TTC22: variants seen among roughly 807,000 people sequenced by gnomAD.
TTC22 encodes the protein tetratricopeptide repeat domain 22.
Under a neutral mutation model 48.2 loss-of-function variants are expected in TTC22, and 42 were observed. The ratio of observed to expected loss-of-function variants is 0.87; its 90% CI spans 0.68 to 1.13. The LOEUF (loss-of-function observed/expected upper bound fraction) is 1.13, where lower values mean the gene tolerates loss of function less well. TTC22 is among the 50% of genes most tolerant of loss of function. The pLI, the probability that TTC22 is intolerant of heterozygous loss-of-function variation, is 0.00. For synonymous variants in TTC22, 345 were observed against 365.5 expected, an observed-to-expected ratio of 0.94 and a Z score of 0.64; for missense variants, 784 against 807.0, an observed-to-expected ratio of 0.97 and a Z score of 0.34.
At chr1:54,794,292 G>C (rs1481710680) in intron 1 of TTC22, among the ~76,000 whole-genome samples, 1 of 152,188 alleles carries the variant, frequency 6.6e-6, no homozygotes, top group African/African-American at 2.4e-5. Flanking sequence ...GAAATGGTAG[G>C]ATTAGGATAA....
rs1486665332 is a variant in TTC22, at chr1:54,800,596, C to A, written c.567+1G>T. On this transcript the variant is annotated splice_donor_variant, in intron 1 of 6. Coordinates refer to ENST00000371276, the MANE Select transcript of TTC22 (RefSeq NM_001114108.2). LOFTEE classifies it high-confidence loss of function. ...GAGGTAGGGAGACAGGGGTCACCTA[C>A]CTGCTGCCCGTAGCCTAGCGCCTTG... is the stretch of plus-strand genomic sequence containing the variant. 6.6e-7 allele frequency: 1 copy of A among 1,511,832 alleles called. No individual in the cohort carries two copies. Among genetic ancestry groups the A allele is most frequent in the East Asian group, 2.5e-5 (1 of 39,698 alleles). The allele number at this position is 1,511,832 out of a possible 1,614,324, so 93.7% of individuals were successfully genotyped here.
Position 54,800,659 on chromosome 1 carries a change from G to T in TTC22, c.505C>A (p.Arg169Ser). 1 of 1,550,274 alleles carries T rather than the reference G, an allele frequency of 6.5e-7. No individual in the cohort carries two copies. The highest frequency in any genetic ancestry group is 8.6e-7 in the Non-Finnish European group (1 of 1,159,324). ...FDVGCASPEE[R>S]ARGLAAGIAL... is the part of the protein sequence containing the mutation. Reference sequence around the variant, plus strand: ...ATGCCTGCCGCCAGCCCCCGCGCACGCTCCTCTGGGCTGGCGCAGCCGACG... The same window carrying T: ...ATGCCTGCCGCCAGCCCCCGCGCACTCTCCTCTGGGCTGGCGCAGCCGACG... Residue 169 changes from arginine to serine, a missense_variant, in exon 1 of 7, where the codon CGT (arginine) becomes AGT (serine). Transcript: ENST00000371276.
At chr1:54,789,891 G>T (rs748098484) in intron 1 of TTC22, among the ~76,000 whole-genome samples, 21 of 152,216 alleles carry the variant, frequency 1.4e-4, no homozygotes, top group Non-Finnish European at 2.5e-4. Flanking sequence ...AGGAGGATGG[G>T]ACATCAAGTG....
intron 3 of TTC22, 83 bp downstream of exon 3, chr1:54,787,628 G>T: frequency 2.1e-6 from 2 of 971,026 alleles, no homozygotes; most frequent in Non-Finnish European, 3.2e-6. Flanking sequence ...AGAAGGGGAG[G>T]TAATGCCAGA....
intron 6 of TTC22, 86 bp from the exon 7 acceptor site, chr1:54,781,865 T>C (rs1646266185): frequency 9.8e-6 from 12 of 1,222,696 alleles, no homozygotes; most frequent in Non-Finnish European, 1.3e-5. Flanking sequence ...AAAAAAAAAT[T>C]CCACTCCTTC....
chr1:54,789,044 A>T (rs1441367794), intron 1 of TTC22, among the ~76,000 whole-genome samples: 1 of 152,214 alleles, frequency 6.6e-6, no homozygotes, highest in Non-Finnish European at 1.5e-5. Context: ...CAAACCTATC[A>T]TGTAGCTGTT....
Position 54,786,117 on chromosome 1 carries a change from G to A in TTC22, c.886C>T (p.Pro296Ser), listed in dbSNP as rs766901296. Reference protein sequence around the residue: ...KAIEIAKNQPPILNRLAKIFY... With the variant: ...KAIEIAKNQPSILNRLAKIFY... ...ATTTTTGCCAGGCGATTCAGGATGGGAGGTTGGTTCTTGGCAATCTCAATG... is the reference window on the plus strand; with the variant it reads ...ATTTTTGCCAGGCGATTCAGGATGGAAGGTTGGTTCTTGGCAATCTCAATG... Residue 296 changes from proline (P) to serine (S), a missense_variant, in exon 5 of 7, where the codon CCC becomes TCC. Coordinates refer to ENST00000371276, the MANE Select transcript of TTC22 (RefSeq NM_001114108.2). 4 of 1,614,150 alleles carry A rather than the reference G, an allele frequency of 2.5e-6. No individual in the cohort carries two copies. The highest frequency in any genetic ancestry group is 1.7e-5 in the Admixed American group (1 of 60,020).
intron 1 of TTC22, 85 bp from the exon 2 acceptor site, chr1:54,788,182 A>G: frequency 7.6e-7 from 1 of 1,320,246 alleles, no homozygotes; most frequent in Non-Finnish European, 1.1e-6. Flanking sequence ...CTGAACCCCA[A>G]GAGGCAGCAG....
At chr1:54,792,326 C>T (rs765548565) in intron 1 of TTC22, among the ~76,000 whole-genome samples, 34 of 152,180 alleles carry the variant, frequency 2.2e-4, no homozygotes, top group Non-Finnish European at 2.4e-4. Context: ...GATACACAGA[C>T]CTAGTCAGAA....
At chr1:54,789,708 C>T (rs1646335740) in intron 1 of TTC22, among the ~76,000 whole-genome samples, 1 of 152,232 alleles carries the variant, frequency 6.6e-6, no homozygotes, top group Admixed American at 6.5e-5. Context: ...GCAAGAAAAC[C>T]AGACCCAAAG....
chr1:54,790,329 AT>A, intron 1 of TTC22, among the ~76,000 whole-genome samples: 1 of 152,348 alleles, frequency 6.6e-6, no homozygotes, highest in South Asian at 2.1e-4. Context: ...GCAGTGAACT[AT>A]GATAGCACCA....
chr1:54,781,504 C>A lies in TTC22; in HGVS notation c.1449G>T (p.Trp483Cys). The A allele has an allele frequency of 6.7e-7, 1 of 1,502,938 alleles. No individual in the cohort carries two copies. The highest frequency in any genetic ancestry group is 8.8e-7 in the Non-Finnish European group (1 of 1,133,726). 93.1% of individuals were successfully genotyped at this position (1,502,938 alleles called of 1,614,324 possible). The change falls in exon 7 of 7, where the codon TGG becomes TGT. Residue 483 changes from tryptophan (W) to cysteine (C), a missense_variant. By Grantham distance (215) the Trp-to-Cys change is radical (BLOSUM62 -2). Coordinates refer to ENST00000371276, the MANE Select transcript of TTC22 (RefSeq NM_001114108.2). ...CCCCGTCGCTCAGCTGTGCCTGGCT[C>A]CACTGCGCCAGCAGCGCCTCGAGCA... ...GCLLEALLAQ[W>C]SQAQLSDGEL...
Position 54,787,698 on chromosome 1 carries a change from C to A in TTC22, c.739+13G>T, listed in dbSNP as rs114795550. On this transcript the variant is annotated intron_variant, in intron 3 of 6. Coordinates refer to ENST00000371276, the MANE Select transcript of TTC22 (RefSeq NM_001114108.2). ...GCAGAGGCTGCTGTCCCACCCATCC[C>A]CCGGGTCCCCACCTCGGTGGCGGGG... 1.9e-3 allele frequency: 3,045 copies of A among 1,603,420 alleles called. 50 individuals are homozygous for A. The African/African-American group carries it at 0.037, about 19-fold the overall frequency.
chr1:54,794,868 G>A (rs1646378041), intron 1 of TTC22: 1 of 152,472 alleles, frequency 6.6e-6, no homozygotes, highest in Non-Finnish European at 1.5e-5. Context: ...TGCTGACTCT[G>A]TGAAGGCTGA....
intron 1 of TTC22, among the ~76,000 whole-genome samples, chr1:54,793,797 G>T (rs1646370103): frequency 6.6e-6 from 1 of 152,214 alleles, no homozygotes; most frequent in Non-Finnish European, 1.5e-5. Flanking sequence ...GGTAGGGATT[G>T]TTATTCTCCC....
intron 2 of TTC22, 67 bp from the exon 3 acceptor site, chr1:54,787,893 G>T: frequency 6.6e-7 from 1 of 1,504,304 alleles, no homozygotes; most frequent in Non-Finnish European, 9.1e-7. Flanking sequence ...TGCCAGCCCT[G>T]CCCAGGCCTG....
chr1:54,801,139 C>T lies in TTC22; in HGVS notation c.25G>A (p.Asp9Asn), dbSNP rs1243352201. The change falls in exon 1 of 7, where the codon GAC becomes AAC. Residue 9 changes from aspartate to asparagine, a missense_variant. Coordinates refer to ENST00000371276, the MANE Select transcript of TTC22 (RefSeq NM_001114108.2). MAELEAVADDLDALIDDLD... is the reference protein window; with the variant it reads MAELEAVANDLDALIDDLD... ...TCGTCGATGAGGGCGTCTAGATCGT[C>T]GGCCACAGCCTCCAGCTCCGCCATG... The T allele has an allele frequency of 1.2e-6, 2 of 1,610,996 alleles. No homozygotes were observed. The highest frequency in any genetic ancestry group is 1.7e-6 in the Non-Finnish European group (2 of 1,178,582).
At position 54,781,071 on chromosome 1, in the gene TTC22, G is replaced by A. The variant is rs1042353659; in HGVS notation, c.*172C>T. 1 of 452,952 alleles carries A rather than the reference G, an allele frequency of 2.2e-6. No homozygotes were observed. The highest frequency in any genetic ancestry group is 3.8e-6 in the Non-Finnish European group (1 of 266,646). The allele number at this position is 452,952 out of a possible 1,614,324, so 28.1% of individuals were successfully genotyped here. A position where few individuals can be genotyped will look rare whatever the true frequency, so the allele number is the denominator to read the frequency against. On this transcript the variant is annotated 3_prime_UTR_variant, in exon 7 of 7. Coordinates refer to ENST00000371276, the MANE Select transcript of TTC22 (RefSeq NM_001114108.2). ...ATCAGGCCTTCCAGTCTGGGTGGGC[G>A]TTTCAAACCGCGCGGGTGTCGCAAC...
chr1:54,797,629 C>CAAAG (rs903284437), intron 1 of TTC22, among the ~76,000 whole-genome samples: 8 of 151,582 alleles, frequency 5.3e-5, no homozygotes, highest in East Asian at 3.9e-4. Flanking sequence ...GACTCAGTCT[C>CAAAG]AAAGAAAGAA....
Sources: allele counts gnomAD v4.1 joint callset (sites outside exome capture counted in the v4.1 genomes callset), GRCh38; gene constraint gnomAD v4.1.1; transcripts MANE v1.5; gene names NCBI Gene and HGNC (gene_info 2026-07-23, HGNC 2026-07-21).